The following KDM6A variants were observed in gnomAD, a reference collection of about 807,000 sequenced individuals.
KDM6A encodes lysine demethylase 6A.
A neutral mutation model predicts 117.6 loss-of-function variants in KDM6A; 11 were observed. That is an observed-to-expected ratio of 0.09 (90% CI 0.06 to 0.15). KDM6A has a LOEUF of 0.15. Ranked by LOEUF, KDM6A falls within the 10% of genes least tolerant of loss-of-function variation. The pLI, the probability that KDM6A is intolerant of heterozygous loss-of-function variation, is 1.00. For synonymous variants in KDM6A, 384 were observed against 396.1 expected, an observed-to-expected ratio of 0.97 and a Z score of 0.36; for missense variants, 799 against 1,077.3, an observed-to-expected ratio of 0.74 and a Z score of 3.62.
chrX:45,103,833 C>CT (rs2046420999), intron 27 of KDM6A, among the ~76,000 whole-genome samples: 1 of 111,564 alleles, frequency 9.0e-6, no homozygotes, highest in Non-Finnish European at 1.9e-5. Context: ...ATCGAAACAA[C>CT]TAAAAACAGG....
chrX:44,951,502 G>T (rs964947374), intron 2 of KDM6A, among the ~76,000 whole-genome samples: 5 of 111,075 alleles, frequency 4.5e-5, no homozygotes, highest in Non-Finnish European at 9.4e-5. Flanking sequence ...TTTTGGTTGG[G>T]TTACTTTTGT....
intron 4 of KDM6A, among the ~76,000 whole-genome samples, chrX:45,006,899 C>T (rs1036174443): frequency 9.1e-6 from 1 of 110,027 alleles, no homozygotes; most frequent in South Asian, 3.9e-4. Context: ...CCATTGCACT[C>T]CAGCCTGGGG....
chrX:44,952,433 A>G (rs1266428071), intron 2 of KDM6A, among the ~76,000 whole-genome samples: 1 of 109,438 alleles, frequency 9.1e-6, no homozygotes, highest in Non-Finnish European at 1.9e-5. Context: ...CACCACGCCC[A>G]GCTAATTTTT....
At chrX:45,060,448 A>G (rs903863141) in intron 13 of KDM6A, among the ~76,000 whole-genome samples, 161 bp from the exon 14 acceptor site, 2 of 112,402 alleles carry the variant, frequency 1.8e-5, no homozygotes, top group Non-Finnish European at 3.8e-5. Context: ...GAAGGTACAC[A>G]TTATTCCATT....
chrX:45,002,780 T>G (rs1424323477), intron 4 of KDM6A, among the ~76,000 whole-genome samples: 1 of 109,710 alleles, frequency 9.1e-6, no homozygotes, highest in African/African-American at 3.3e-5. Context: ...AAACATCCCT[T>G]TCTTTAAACA....
At chrX:44,910,675 T>G (rs1234255739) in intron 2 of KDM6A, among the ~76,000 whole-genome samples, 1 of 109,121 alleles carries the variant, frequency 9.2e-6, no homozygotes, top group Non-Finnish European at 1.9e-5. Context: ...TCCCTGGGTA[T>G]TTGAGATTAG....
chrX:44,952,863 A>T, intron 2 of KDM6A, among the ~76,000 whole-genome samples: 1 of 109,758 alleles, frequency 9.1e-6, no homozygotes, highest in South Asian at 3.9e-4. Context: ...CGCAGCCACC[A>T]CCTCCTGGGC....
At chrX:45,051,932 A>C (rs1275284446) in intron 9 of KDM6A, 130 bp downstream of exon 9, 4 of 444,042 alleles carry the variant, frequency 9.0e-6, no homozygotes, top group Non-Finnish European at 1.6e-5. Context: ...TTCTGAACCC[A>C]GCATATTTGT....
At chrX:44,965,029 T>TG (rs907803192) in intron 3 of KDM6A, among the ~76,000 whole-genome samples, 2 of 112,676 alleles carry the variant, frequency 1.8e-5, no homozygotes, top group Non-Finnish European at 3.7e-5. Flanking sequence ...CATCAGCACT[T>TG]GCTGCCTCAT....
chrX:45,060,637 A>T lies in KDM6A; in HGVS notation c.1358A>T (p.Glu453Val). The change falls in exon 14 of 30, where the codon GAA becomes GTA. Residue 453 changes from glutamate to valine, a missense_variant. Around this residue, in one of 8 missense-constraint regions of KDM6A, gnomAD observed 301 missense variants for 318.3 expected, o/e 0.95. Transcript: ENST00000611820. ...TGTAAACCTCATCATCCAAATACTG[A>T]ACCTGTATTAGGCCTCAGTCAAACA... ...QACKPHHPNT[E>V]PVLGLSQTPI... 9 of 1,067,552 alleles carry T rather than the reference A, an allele frequency of 8.4e-6. No homozygotes were observed. Among genetic ancestry groups the T allele is most frequent in the Non-Finnish European group, 1.1e-5 (9 of 809,462 alleles). 88.0% of individuals were successfully genotyped at this position (1,067,552 alleles called of 1,213,427 possible).
chrX:45,112,667 G>C lies in KDM6A; in HGVS notation c.*1256G>C. 1 of 125,807 alleles carries C rather than the reference G, an allele frequency of 7.9e-6. No individual in the cohort carries two copies. Among genetic ancestry groups the C allele is most frequent in the Non-Finnish European group, 1.7e-5 (1 of 60,347 alleles). 10.4% of individuals were successfully genotyped at this position (125,807 alleles called of 1,213,427 possible). ...AGATTTTAAAGGGACTGTTATATGG[G>C]CTTGACAAATCCTGTACAATACTTA... On this transcript the variant is annotated 3_prime_UTR_variant, in exon 30 of 30. Coordinates refer to ENST00000611820, the MANE Select transcript of KDM6A (RefSeq NM_001291415.2).
chrX:45,003,264 C>T (rs1271200554), intron 4 of KDM6A, among the ~76,000 whole-genome samples: 2 of 110,750 alleles, frequency 1.8e-5, no homozygotes, highest in African/African-American at 6.6e-5. Context: ...GAGGAACTGT[C>T]TATCGTCCTG....
At chrX:45,017,066 A>T (rs1432782068) in intron 5 of KDM6A, among the ~76,000 whole-genome samples, 2 of 112,030 alleles carry the variant, frequency 1.8e-5, no homozygotes, top group Non-Finnish European at 3.8e-5. Flanking sequence ...GAAAATCTAT[A>T]GAAACTATTT....
intron 4 of KDM6A, among the ~76,000 whole-genome samples, chrX:45,007,109 T>G (rs939948437): frequency 8.9e-6 from 1 of 111,898 alleles, no homozygotes; most frequent in African/African-American, 3.3e-5. Context: ...AACAGTTTTT[T>G]GGGATTCTCA....
At chrX:44,984,228 C>T (rs184719816) in intron 4 of KDM6A, among the ~76,000 whole-genome samples, 2 of 111,019 alleles carry the variant, frequency 1.8e-5, no homozygotes, top group East Asian at 5.7e-4. Flanking sequence ...AGGGTCTGTT[C>T]ATATCCTTCA....
intron 2 of KDM6A, among the ~76,000 whole-genome samples, chrX:44,897,720 C>T (rs191918699): frequency 9.0e-6 from 1 of 111,164 alleles, no homozygotes; most frequent in East Asian, 2.8e-4. Context: ...AGGTGTGTGC[C>T]ACCATGCCTG....
rs950622851 is a variant in KDM6A at position 44,941,768 on chromosome X, C to T, written c.226-19516C>T. 7.2e-5 allele frequency among the ~76,000 whole-genome samples: 8 copies of T among 110,420 alleles called. No homozygotes were observed. In the South Asian group the frequency reaches 2.0e-3, roughly 27 times the overall value. ...TGCTGGGATTACAGGCGTGAGCCACCGCGACTGGCAATTCTGTACCAGTTT... is the reference window on the plus strand; with the variant it reads ...TGCTGGGATTACAGGCGTGAGCCACTGCGACTGGCAATTCTGTACCAGTTT... On this transcript the variant is annotated intron_variant, in intron 2 of 29. Coordinates refer to ENST00000611820, the MANE Select transcript of KDM6A (RefSeq NM_001291415.2).
At chrX:44,918,035 C>A (rs1364988256) in intron 2 of KDM6A, among the ~76,000 whole-genome samples, 4 of 111,652 alleles carry the variant, frequency 3.6e-5, no homozygotes, top group Non-Finnish European at 7.5e-5. Flanking sequence ...TTCTTTGTGA[C>A]TTTACAGTGT....
chrX:44,882,464 TGGAAG>T (rs1222617919), intron 2 of KDM6A, among the ~76,000 whole-genome samples: 1 of 112,342 alleles, frequency 8.9e-6, no homozygotes, highest in Non-Finnish European at 1.9e-5. Flanking sequence ...TTTTGCTGTA[TGGAAG>T]TTAAGAAATA....
Sources: gnomAD v4.1 joint callset for allele counts (sites outside exome capture counted in the v4.1 genomes callset) on GRCh38, gnomAD v4.1.1 for gene constraint, gnomAD v4.1.1 regional missense constraint, MANE v1.5 for transcripts, NCBI Gene and HGNC (gene_info 2026-07-23, HGNC 2026-07-21) for gene names.